The following LCMT1 variants were observed in gnomAD, a reference collection of about 807,000 sequenced individuals.
LCMT1 encodes the protein [Phosphatase 2A protein]-leucine-carboxy methyltransferase 1.
Under a neutral mutation model 47.7 loss-of-function variants are expected in LCMT1, and 32 were observed. The ratio of observed to expected loss-of-function variants is 0.67; its 90% confidence interval spans 0.51 to 0.90. The LOEUF (loss-of-function observed/expected upper bound fraction) is 0.90, where lower values mean the gene tolerates loss of function less well. Ranked by LOEUF, LCMT1 falls within the 40% of genes least tolerant of loss-of-function variation. The pLI, the probability that LCMT1 is intolerant of heterozygous loss-of-function variation, is 0.00. For missense variants in LCMT1, 375 were observed against 415.2 expected, an observed-to-expected ratio of 0.90 and a Z score of 0.84; for synonymous variants, 152 against 149.7, an observed-to-expected ratio of 1.02 and a Z score of -0.11.
In LCMT1 at chr16:25,140,242, T is replaced by C. The variant is rs190650871; in HGVS notation, c.399T>C (p.Ser133=). ...FPMIVTRKLH[S]IKCKPPLSSP... is the part of the protein sequence containing the mutation. Reference sequence around the variant, plus strand: ...TGATTGTCACGAGAAAGCTGCACAGTATCAAGTAAGTGTGGCATGGCCAGA... The same window carrying C: ...TGATTGTCACGAGAAAGCTGCACAGCATCAAGTAAGTGTGGCATGGCCAGA... The change falls in exon 4 of 11, where the codon AGT becomes AGC. Residue 133 remains serine, a synonymous_variant. Coordinates refer to ENST00000399069, the MANE Select transcript of LCMT1 (RefSeq NM_016309.3). 935 of 1,595,896 alleles carry C rather than the reference T, an allele frequency of 5.9e-4. 8 individuals carry two copies. In the African/African-American group the frequency reaches 0.011, roughly 19 times the overall value.
rs1961079241 is a variant in LCMT1, at chr16:25,151,536, T to G, written c.405-18T>G. The G allele has an allele frequency of 6.2e-7, 1 of 1,606,418 alleles. No homozygotes were observed. Among genetic ancestry groups the G allele is most frequent in the African/African-American group, 1.3e-5 (1 of 74,756 alleles). On this transcript the variant is annotated intron_variant, in intron 4 of 10. Transcript: ENST00000399069. The stretch of plus-strand genomic sequence containing the variant: ...AGCAAATAGACTCATTTTTCTCCTC[T>G]TTCCCATCTTCCCATAGATGCAAGC...
At chr16:25,171,966 A>G (rs1335933400) in intron 9 of LCMT1, among the ~76,000 whole-genome samples, 1 of 152,164 alleles carries the variant, frequency 6.6e-6, no homozygotes, top group Non-Finnish European at 1.5e-5. Flanking sequence ...AATAGATTGT[A>G]TTTGCCTTTA....
intron 1 of LCMT1, among the ~76,000 whole-genome samples, chr16:25,128,048 A>G (rs1215499337): frequency 6.6e-6 from 1 of 152,228 alleles, no homozygotes; most frequent in African/African-American, 2.4e-5. Flanking sequence ...TGGTTAATTC[A>G]TGCTGTTTGT....
chr16:25,175,546 C>CA (rs1961905951), intron 10 of LCMT1, among the ~76,000 whole-genome samples: 1 of 151,942 alleles, frequency 6.6e-6, no homozygotes, highest in South Asian at 2.1e-4. Flanking sequence ...GCAGGAGAAT[C>CA]ACTTGTACCT....
At chr16:25,132,320 C>T (rs1960371684) in intron 2 of LCMT1, 82 bp from the exon 3 acceptor site, 1 of 1,543,934 alleles carries the variant, frequency 6.5e-7, no homozygotes, top group Non-Finnish European at 8.8e-7. Flanking sequence ...CTGTTTTGCT[C>T]TTCTCCTGGG....
At position 25,157,761 on chromosome 16, in the gene LCMT1, G is replaced by A. The variant is rs905494317; in HGVS notation, c.467-3341G>A. On this transcript the variant is annotated intron_variant, in intron 5 of 10. Transcript: ENST00000399069. Reference sequence around the variant, plus strand: ...CTCAGCTGGGCTCATTCCAGCACCTGCCTGGATTTAATCACTTGTGGTCAT... The same window carrying A: ...CTCAGCTGGGCTCATTCCAGCACCTACCTGGATTTAATCACTTGTGGTCAT... Among the ~76,000 whole-genome samples, 3 of 152,180 alleles carry A rather than the reference G, an allele frequency of 2.0e-5. No individual in the cohort carries two copies. The South Asian group carries it at 6.2e-4, about 31-fold the overall frequency.
intron 1 of LCMT1, among the ~76,000 whole-genome samples, chr16:25,127,782 G>A (rs1326378973): frequency 1.3e-5 from 2 of 152,160 alleles, no homozygotes; most frequent in Admixed American, 1.3e-4. Flanking sequence ...CATGGCCTTC[G>A]GGATCCCGCT....
chr16:25,161,950 G>A (rs1243826930), intron 6 of LCMT1, among the ~76,000 whole-genome samples: 1 of 152,146 alleles, frequency 6.6e-6, no homozygotes, highest in East Asian at 1.9e-4. Flanking sequence ...CTGTCACCAA[G>A]TTGGCAAAAA....
chr16:25,138,804 C>G (rs915322188), intron 3 of LCMT1, among the ~76,000 whole-genome samples: 3 of 152,226 alleles, frequency 2.0e-5, no homozygotes, highest in Non-Finnish European at 4.4e-5. Context: ...ATTGTTACAG[C>G]TCACAAGCTC....
intron 1 of LCMT1, among the ~76,000 whole-genome samples, chr16:25,128,117 C>G (rs765334666): frequency 6.6e-6 from 1 of 152,166 alleles, no homozygotes; most frequent in Non-Finnish European, 1.5e-5. Flanking sequence ...GTGGAATTAA[C>G]TGACTAGCTC....
chr16:25,135,593 G>A (rs1400024379), intron 3 of LCMT1, among the ~76,000 whole-genome samples: 1 of 152,132 alleles, frequency 6.6e-6, no homozygotes, highest in Non-Finnish European at 1.5e-5. Flanking sequence ...AAAGTGTAGC[G>A]AAAACATTGT....
chr16:25,135,281 T>TAAAAAAAAAA (rs1316661688), intron 3 of LCMT1, among the ~76,000 whole-genome samples: 2 of 131,450 alleles, frequency 1.5e-5, no homozygotes, highest in African/African-American at 5.5e-5. Context: ...AAGTTTCTTT[T>TAAAAAAAAAA]AAAATATATA....
chr16:25,165,715 C>A (rs1788719965), intron 7 of LCMT1, among the ~76,000 whole-genome samples: 1 of 151,706 alleles, frequency 6.6e-6, no homozygotes, highest in Non-Finnish European at 1.5e-5. Context: ...TGGGGTTTCA[C>A]CATTTTGGCC....
chr16:25,152,603 C>T (rs1336493087), intron 5 of LCMT1, among the ~76,000 whole-genome samples: 3 of 152,132 alleles, frequency 2.0e-5, no homozygotes, highest in Admixed American at 6.5e-5. Flanking sequence ...TGAAAAATCT[C>T]GATTTCTAGC....
chr16:25,149,910 C>CAAAAAAAAAAAAAAAAA (rs34229848), intron 4 of LCMT1, among the ~76,000 whole-genome samples: 1 of 60,200 alleles, frequency 1.7e-5, no homozygotes. Context: ...AAGACTGTCT[C>CAAAAAAAAAAAAAAAAA]AAAAAAAAAA....
chr16:25,121,650 C>T (rs1221912167), intron 1 of LCMT1, among the ~76,000 whole-genome samples: 1 of 152,228 alleles, frequency 6.6e-6, no homozygotes, highest in East Asian at 1.9e-4. Context: ...AAAGGAGAAG[C>T]AAGTACCTTC....
At chr16:25,171,067 C>T (rs920307331) in intron 9 of LCMT1, among the ~76,000 whole-genome samples, 6 of 152,142 alleles carry the variant, frequency 3.9e-5, no homozygotes, top group Admixed American at 3.9e-4. Flanking sequence ...GAAACCTTGT[C>T]TCTACTAAAA....
chr16:25,130,736 C>T lies in LCMT1; in HGVS notation c.206-1666C>T, dbSNP rs184990726. ...TTAAGTATTTATTTATTTTGAAGCT[C>T]GCACCAACAGGTAACTTGTTCCAGA... On this transcript the variant is annotated intron_variant, in intron 2 of 10. Coordinates refer to ENST00000399069, the MANE Select transcript of LCMT1 (RefSeq NM_016309.3). 2.7e-4 allele frequency among the ~76,000 whole-genome samples: 41 copies of T among 152,312 alleles called. No individual in the cohort carries two copies. In the East Asian group the frequency reaches 4.6e-3, roughly 17 times the overall value.
chr16:25,177,057 G>A (rs927223016), intron 10 of LCMT1, among the ~76,000 whole-genome samples: 2 of 151,930 alleles, frequency 1.3e-5, no homozygotes, highest in Admixed American at 6.6e-5. Context: ...GCACATGCCT[G>A]TAGTCCCAGC....
Sources: gnomAD v4.1 joint callset for allele counts (sites outside exome capture counted in the v4.1 genomes callset) on GRCh38, gnomAD v4.1.1 for gene constraint, MANE v1.5 for transcripts, NCBI Gene and HGNC (gene_info 2026-07-23, HGNC 2026-07-21) for gene names.